PAPPA: variants seen among roughly 807,000 people sequenced by gnomAD.
PAPPA encodes the protein pappalysin-1.
In PAPPA, 60 loss-of-function variants were observed where a neutral mutation model predicts 164.0. The ratio of observed to expected loss-of-function variants is 0.37; its 90% CI spans 0.30 to 0.45. The LOEUF is 0.45. Among genes scored for constraint, PAPPA ranks in the 20% least tolerant of loss-of-function variants. The pLI is 1.00. For synonymous variants in PAPPA, 875 were observed against 814.1 expected (o/e 1.07, Z -1.27); for missense variants, 1,782 against 2,087.3 (o/e 0.85, Z 2.85).
At chr9:116,232,427 G>A (rs1171524164) in intron 6 of PAPPA, among the ~76,000 whole-genome samples, 1 of 152,120 alleles carries the variant, frequency 6.6e-6, no homozygotes, top group African/African-American at 2.4e-5. Flanking sequence ...CATTACAGTA[G>A]GTAACACAAT....
chr9:116,176,324 A>G (rs1843834632), intron 1 of PAPPA, among the ~76,000 whole-genome samples: 1 of 152,158 alleles, frequency 6.6e-6, no homozygotes, highest in African/African-American at 2.4e-5. Flanking sequence ...GTTTGGGGGA[A>G]TAGTGAAAAA....
At chr9:116,320,641 G>A (rs1325394775) in intron 10 of PAPPA, among the ~76,000 whole-genome samples, 1 of 152,076 alleles carries the variant, frequency 6.6e-6, no homozygotes, top group Non-Finnish European at 1.5e-5. Flanking sequence ...TGGAGGCCTG[G>A]GGAAAGTGAT....
intron 9 of PAPPA, among the ~76,000 whole-genome samples, chr9:116,281,955 G>A (rs888745784): frequency 3.3e-5 from 5 of 152,112 alleles, no homozygotes; most frequent in South Asian, 2.1e-4. Flanking sequence ...TATTCAAAGC[G>A]GGTGCTTATT....
At chr9:116,392,257 C>T (rs1564254148) in intron 21 of PAPPA, among the ~76,000 whole-genome samples, 1 of 152,018 alleles carries the variant, frequency 6.6e-6, no homozygotes, top group Non-Finnish European at 1.5e-5. Context: ...AAGAAAATAC[C>T]TTTTTTTTCC....
intron 13 of PAPPA, among the ~76,000 whole-genome samples, chr9:116,339,712 A>C (rs1221836524): frequency 1.3e-5 from 2 of 152,150 alleles, no homozygotes; most frequent in East Asian, 3.9e-4. Flanking sequence ...CTGTGGCATA[A>C]TTGCAGCTAA....
At chr9:116,163,830 T>C (rs1843694411) in intron 1 of PAPPA, among the ~76,000 whole-genome samples, 1 of 152,118 alleles carries the variant, frequency 6.6e-6, no homozygotes, top group Non-Finnish European at 1.5e-5. Context: ...GCTCCATTGG[T>C]GGATACTCTT....
intron 7 of PAPPA, among the ~76,000 whole-genome samples, chr9:116,249,372 T>C (rs1480363371): frequency 6.6e-6 from 1 of 151,942 alleles, no homozygotes; most frequent in Non-Finnish European, 1.5e-5. Flanking sequence ...AGAAGAGAGT[T>C]TGAGCAAAGA....
intron 9 of PAPPA, among the ~76,000 whole-genome samples, chr9:116,281,879 A>C (rs1225854467): frequency 1.3e-5 from 2 of 152,266 alleles, no homozygotes; most frequent in Admixed American, 1.3e-4. Context: ...AGGCTACGGG[A>C]AGGTAGGGGC....
At chr9:116,270,429 T>G (rs2118823994) in intron 8 of PAPPA, among the ~76,000 whole-genome samples, 1 of 152,358 alleles carries the variant, frequency 6.6e-6, no homozygotes, top group South Asian at 2.1e-4. Context: ...TAATTATAAT[T>G]CATTTCAATT....
At chr9:116,283,444 G>A (rs867820071) in intron 9 of PAPPA, among the ~76,000 whole-genome samples, 3 of 152,188 alleles carry the variant, frequency 2.0e-5, no homozygotes, top group Middle Eastern at 6.8e-3. Context: ...CAGTCCTAAA[G>A]GAAACTACTC....
At chr9:116,214,450 A>G (rs1268565336) in intron 4 of PAPPA, among the ~76,000 whole-genome samples, 1 of 152,188 alleles carries the variant, frequency 6.6e-6, no homozygotes, top group African/African-American at 2.4e-5. Flanking sequence ...AAACAAGGCA[A>G]AGGTGAAATC....
rs766150575 is a variant in PAPPA, at chr9:116,335,063, T to C, written c.3600T>C (p.Pro1200=). 73 of 1,612,688 alleles carry C rather than the reference T, an allele frequency of 4.5e-5. No homozygotes were observed. The highest frequency in any genetic ancestry group is 5.4e-5 in the Non-Finnish European group (64 of 1,179,788). Residue 1200 remains proline (P), a synonymous_variant, in exon 13 of 22, where the codon CCT becomes CCC. Coordinates refer to ENST00000328252, the MANE Select transcript of PAPPA (RefSeq NM_002581.5). ...GCCAGAGAGGGGAGACCTACAGCCC[T>C]GCCGAGCAGAGGTAAGGGATCCGCG... is the stretch of plus-strand genomic sequence containing the variant. ...SSCQRGETYS[P]AEQSCVHFAC...
intron 1 of PAPPA, among the ~76,000 whole-genome samples, chr9:116,173,344 G>A (rs1249978180): frequency 1.3e-5 from 2 of 152,048 alleles, no homozygotes. Flanking sequence ...TGAGTCTTAA[G>A]GCTAAATGAC....
intron 8 of PAPPA, among the ~76,000 whole-genome samples, chr9:116,267,844 T>C (rs10125322): frequency 0.25 from 33,881 of 135,278 alleles, 4,336 homozygotes; most frequent in Admixed American, 0.36. Context: ...CACTGCAGTC[T>C]GCAGTCCGGC....
At chr9:116,200,570 A>T (rs1844160935) in intron 2 of PAPPA, among the ~76,000 whole-genome samples, 1 of 152,206 alleles carries the variant, frequency 6.6e-6, no homozygotes, top group Admixed American at 6.5e-5. Flanking sequence ...ATACTTCAAC[A>T]GTTCCAGTGT....
intron 7 of PAPPA, among the ~76,000 whole-genome samples, chr9:116,257,495 T>C (rs1286147496): frequency 6.6e-6 from 1 of 151,836 alleles, no homozygotes; most frequent in East Asian, 2.0e-4. Flanking sequence ...GGTCAGGAGA[T>C]CGAGACCATC....
At chr9:116,158,820 T>G (rs983191961) in intron 1 of PAPPA, among the ~76,000 whole-genome samples, 4 of 152,198 alleles carry the variant, frequency 2.6e-5, no homozygotes, top group African/African-American at 9.6e-5. Context: ...CGCCTGTACT[T>G]CACAAAAGAG....
At chr9:116,292,927 A>G (rs535954527) in intron 9 of PAPPA, among the ~76,000 whole-genome samples, 1 of 152,314 alleles carries the variant, frequency 6.6e-6, no homozygotes, top group East Asian at 1.9e-4. Context: ...CTAGGATGAC[A>G]TGATGTCATG....
chr9:116,186,963 C>T (rs1843978105), intron 1 of PAPPA, among the ~76,000 whole-genome samples, 191 bp from the exon 2 acceptor site: 1 of 152,118 alleles, frequency 6.6e-6, no homozygotes, highest in South Asian at 2.1e-4. Flanking sequence ...ATTCTCTCAG[C>T]TCCTCCAGCC....
Sources: allele counts gnomAD v4.1 joint callset (sites outside exome capture counted in the v4.1 genomes callset), GRCh38; gene constraint gnomAD v4.1.1; transcripts MANE v1.5; gene names NCBI Gene and HGNC (gene_info 2026-07-23, HGNC 2026-07-21).